The following ACTL6A variants were observed in gnomAD, a reference collection of about 807,000 sequenced individuals.
ACTL6A encodes actin like 6A.
Under a neutral mutation model 59.2 loss-of-function variants are expected in ACTL6A, and 5 were observed. The ratio of observed to expected loss-of-function variants is 0.08; its 90% CI spans 0.04 to 0.18. ACTL6A has a LOEUF of 0.18. Ranked by LOEUF, ACTL6A falls within the 10% of genes least tolerant of loss-of-function variation. ACTL6A has a pLI of 1.00. For synonymous variants in ACTL6A, 154 were observed against 171.8 expected, an observed-to-expected ratio of 0.90 and a Z score of 0.81; for missense variants, 285 against 526.9, an observed-to-expected ratio of 0.54 and a Z score of 4.49.
At chr3:179,575,697 A>G (rs1718146447) in intron 5 of ACTL6A, among the ~76,000 whole-genome samples, 3 of 152,244 alleles carry the variant, frequency 2.0e-5, no homozygotes, top group Admixed American at 2.0e-4. Flanking sequence ...ATATTTACCA[A>G]CTGTGGAATT....
In ACTL6A at chr3:179,580,025, G is replaced by A. The variant is rs561400622; in HGVS notation, c.769-615G>A. Among the ~76,000 whole-genome samples, 77 of 152,154 alleles carry A rather than the reference G, an allele frequency of 5.1e-4. No homozygotes were observed. The South Asian group carries it at 6.2e-3, about 12-fold the overall frequency. Reference sequence around the variant, plus strand: ...TGGCCTCAAGCGATCCTCCTGTCTCGGCCTCTTAAAGTGCTGAGATTACAG... The same window carrying A: ...TGGCCTCAAGCGATCCTCCTGTCTCAGCCTCTTAAAGTGCTGAGATTACAG... On this transcript the variant is annotated intron_variant, in intron 8 of 13. Coordinates refer to ENST00000429709, the MANE Select transcript of ACTL6A (RefSeq NM_004301.5).
At chr3:179,587,055 G>A (rs186058164) in intron 13 of ACTL6A, among the ~76,000 whole-genome samples, 14 of 152,230 alleles carry the variant, frequency 9.2e-5, no homozygotes, top group Admixed American at 7.8e-4. Context: ...GTCATGGTGC[G>A]GGGTGTAAGA....
At position 179,588,132 on chromosome 3, in the gene ACTL6A, C is replaced by A; in HGVS notation, c.*122C>A. The A allele has an allele frequency of 1.4e-6, 1 of 713,152 alleles. No homozygotes were observed. 44.2% of individuals were successfully genotyped at this position (713,152 alleles called of 1,614,324 possible). A position where few individuals can be genotyped will look rare whatever the true frequency, so the allele number is the denominator to read the frequency against. ...ATACATTTTTGCATATTTCAATTTC[C>A]ACTTAAATTTTTTAAAGCTTTAACT... On this transcript the variant is annotated 3_prime_UTR_variant, in exon 14 of 14. Coordinates refer to ENST00000429709, the MANE Select transcript of ACTL6A (RefSeq NM_004301.5).
Position 179,581,213 on chromosome 3 carries a change from T to C in ACTL6A, c.1019T>C (p.Ile340Thr), listed in dbSNP as rs746786877. The change falls in exon 11 of 14, where the codon ATC becomes ACC. Residue 340 changes from isoleucine to threonine, a missense_variant. Transcript: ENST00000429709. ...AGTGTTGGGATGTGTGATATTGACA[T>C]CAGACCAGTAAGTGCCAGTCTCCTG... ...TTSVGMCDIDIRPGLYGSVIV... is the reference protein window; with the variant it reads ...TTSVGMCDIDTRPGLYGSVIV... 1 of 1,612,550 alleles carries C rather than the reference T, an allele frequency of 6.2e-7. No homozygotes were observed. Among genetic ancestry groups the C allele is most frequent in the South Asian group, 1.1e-5 (1 of 91,040 alleles).
chr3:179,581,407 G>A (rs1412946407), intron 11 of ACTL6A, among the ~76,000 whole-genome samples, 187 bp downstream of exon 11: 1 of 152,118 alleles, frequency 6.6e-6, no homozygotes, highest in East Asian at 1.9e-4. Context: ...TAGAGCTATG[G>A]TGTCCAGTTT....
intron 12 of ACTL6A, 104 bp downstream of exon 12, chr3:179,583,552 T>C (rs1386911661): frequency 7.4e-6 from 6 of 815,738 alleles, no homozygotes; most frequent in African/African-American, 6.9e-5. Context: ...TACATGATAT[T>C]TTGTGTGTGC....
Position 179,588,213 on chromosome 3 carries a change from C to G in ACTL6A, c.*203C>G. On this transcript the variant is annotated 3_prime_UTR_variant, in exon 14 of 14. Coordinates refer to ENST00000429709, the MANE Select transcript of ACTL6A (RefSeq NM_004301.5). Reference sequence around the variant, plus strand: ...GAAATGCACTTATTCTTATTACAAGCATTTTATAATTTTGTATAAATGTCT... The same window carrying G: ...GAAATGCACTTATTCTTATTACAAGGATTTTATAATTTTGTATAAATGTCT... 2.3e-6 allele frequency: 1 copy of G among 434,744 alleles called. No homozygotes were observed. Among genetic ancestry groups the G allele is most frequent in the South Asian group, 5.8e-5 (1 of 17,296 alleles). The allele number at this position is 434,744 out of a possible 1,614,324, so 26.9% of individuals were successfully genotyped here.
chr3:179,587,902 A>G, intron 13 of ACTL6A, 28 bp from the exon 14 acceptor site: 2 of 1,571,030 alleles, frequency 1.3e-6, no homozygotes, highest in Admixed American at 2.0e-5. Flanking sequence ...GTAAGGCATA[A>G]TTATATAAAT....
chr3:179,582,495 T>TA (rs1718366000), intron 11 of ACTL6A, among the ~76,000 whole-genome samples: 1 of 152,256 alleles, frequency 6.6e-6, no homozygotes, highest in South Asian at 2.1e-4. Context: ...TTCTGATGCT[T>TA]ACCTCTGCAA....
intron 5 of ACTL6A, chr3:179,574,843 T>C (rs1718117407): frequency 5.4e-6 from 1 of 184,534 alleles, no homozygotes; most frequent in Non-Finnish European, 1.1e-5. Context: ...TTCATTCTCC[T>C]TCAAATTTAG....
rs761315854 is a variant in ACTL6A, at chr3:179,570,149, A to G, written c.185A>G (p.Lys62Arg). The change falls in exon 3 of 14, where the codon AAA (lysine) becomes AGA (arginine). Residue 62 changes from lysine to arginine, a missense_variant. Coordinates refer to ENST00000429709, the MANE Select transcript of ACTL6A (RefSeq NM_004301.5). The surrounding 1 kb of genome is among the most constrained non-coding windows in gnomAD (Gnocchi z 4.3). ...TLMEIDGDKGKQGGPTYYIDT... is the reference protein window; with the variant it reads ...TLMEIDGDKGRQGGPTYYIDT... Reference sequence around the variant, plus strand: ...ATGGAAATAGATGGCGATAAAGGCAAACAAGGCGGTCCCACCTACTACATA... The same window carrying G: ...ATGGAAATAGATGGCGATAAAGGCAGACAAGGCGGTCCCACCTACTACATA... The G allele has an allele frequency of 6.8e-6, 11 of 1,614,202 alleles. No homozygotes were observed. The Middle Eastern group carries it at 6.6e-4, about 97-fold the overall frequency.
At chr3:179,581,289 T>TCAACC in intron 11 of ACTL6A, 69 bp downstream of exon 11, 3 of 1,275,228 alleles carry the variant, frequency 2.4e-6, no homozygotes, top group Non-Finnish European at 3.4e-6. Flanking sequence ...CAAATCATTG[T>TCAACC]TAGGTTGACA....
In ACTL6A at chr3:179,580,620, C is replaced by T. The variant is rs1442078543; in HGVS notation, c.769-20C>T. On this transcript the variant is annotated intron_variant, in intron 8 of 13. Coordinates refer to ENST00000429709, the MANE Select transcript of ACTL6A (RefSeq NM_004301.5). ...AGATAAATCTCAACCTTGTTTGTTACTTTTTTCTTTTACTCACAGTGTGTT... is the reference window on the plus strand; with the variant it reads ...AGATAAATCTCAACCTTGTTTGTTATTTTTTTCTTTTACTCACAGTGTGTT... The T allele has an allele frequency of 6.4e-7, 1 of 1,558,028 alleles. No individual in the cohort carries two copies. Among genetic ancestry groups the T allele is most frequent in the Non-Finnish European group, 8.7e-7 (1 of 1,143,716 alleles).
At chr3:179,585,167 A>G (rs892431399) in intron 12 of ACTL6A, among the ~76,000 whole-genome samples, 7 of 152,182 alleles carry the variant, frequency 4.6e-5, no homozygotes, top group Non-Finnish European at 8.8e-5. Context: ...CAGTGGCACG[A>G]TATCAGCTCA....
At chr3:179,574,499 G>T (rs745407255) in intron 5 of ACTL6A, 32 bp downstream of exon 5, 6 of 1,376,394 alleles carry the variant, frequency 4.4e-6, no homozygotes, top group African/African-American at 1.4e-5. Flanking sequence ...CTTTCCTCTT[G>T]AAGTATGTAC....
In ACTL6A at chr3:179,567,900, G is replaced by A. The variant is rs181671293; in HGVS notation, c.26-1924G>A. Among the ~76,000 whole-genome samples the A allele has an allele frequency of 3.7e-3, 565 of 152,202 alleles. 3 individuals carry two copies. The highest frequency in any genetic ancestry group is 6.8e-3 in the Middle Eastern group (2 of 294). Reference sequence around the variant, plus strand: ...TTTGAATAAAAATGAGAGGCTGGGCGCGGTGGCTAACACCTATAATCCCAG... The same window carrying A: ...TTTGAATAAAAATGAGAGGCTGGGCACGGTGGCTAACACCTATAATCCCAG... On this transcript the variant is annotated intron_variant, in intron 1 of 13. Transcript: ENST00000429709.
chr3:179,582,647 T>G (rs539565810), intron 11 of ACTL6A, among the ~76,000 whole-genome samples: 1 of 152,330 alleles, frequency 6.6e-6, no homozygotes, highest in Admixed American at 6.5e-5. Flanking sequence ...AATTTTAATT[T>G]TTGGCTGGTG....
At chr3:179,569,634 A>G (rs571261921) in intron 1 of ACTL6A, among the ~76,000 whole-genome samples, 190 bp from the exon 2 acceptor site, 40 of 152,310 alleles carry the variant, frequency 2.6e-4, no homozygotes, top group African/African-American at 7.2e-4. Flanking sequence ...CTGGAGTTTG[A>G]GTCCAGCCTG....
intron 3 of ACTL6A, 134 bp from the exon 4 acceptor site, chr3:179,573,234 TG>T (rs1718065938): frequency 3.5e-6 from 2 of 564,586 alleles, no homozygotes; most frequent in Admixed American, 8.3e-5. Flanking sequence ...TAATGTGGTA[TG>T]AAGTTGATCT....
Sources: allele counts gnomAD v4.1 joint callset (sites outside exome capture counted in the v4.1 genomes callset), GRCh38; gene constraint gnomAD v4.1.1; non-coding constraint Gnocchi (gnomAD v3.1); transcripts MANE v1.5; gene names NCBI Gene and HGNC (gene_info 2026-07-23, HGNC 2026-07-21).